CPVL: variants seen among roughly 807,000 people sequenced by gnomAD.
The protein encoded by CPVL is probable serine carboxypeptidase CPVL.
A neutral mutation model predicts 63.7 loss-of-function variants in CPVL; 51 were observed. That is an observed-to-expected ratio of 0.80 (90% CI 0.64 to 1.01). The LOEUF (loss-of-function observed/expected upper bound fraction) is 1.01, where lower values mean the gene tolerates loss of function less well. CPVL is among the 50% of genes least tolerant of loss of function. The pLI, the probability that CPVL is intolerant of heterozygous loss-of-function variation, is 0.00. For missense variants in CPVL, 530 were observed against 573.1 expected, an observed-to-expected ratio of 0.92 and a Z score of 0.77; for synonymous variants, 195 against 206.0, an observed-to-expected ratio of 0.95 and a Z score of 0.46.
chr7:29,046,562 C>G (rs540837097), intron 11 of CPVL, among the ~76,000 whole-genome samples: 16 of 75,370 alleles, frequency 2.1e-4, no homozygotes, highest in African/African-American at 4.2e-4. Context: ...TGCACGTGCG[C>G]GCGTGCACAC....
intron 1 of CPVL, among the ~76,000 whole-genome samples, chr7:29,133,193 C>CAA (rs1333159770): frequency 4.3e-4 from 39 of 90,734 alleles, no homozygotes; most frequent in African/African-American, 1.1e-3. Context: ...TTTCTGAAGG[C>CAA]AAAAAAAAAA....
downstream of CPVL, among the ~76,000 whole-genome samples, chr7:28,995,001 T>A (rs1783938003): frequency 6.6e-6 from 1 of 150,872 alleles, no homozygotes; most frequent in African/African-American, 2.4e-5. Flanking sequence ...CTTATCTTAA[T>A]TTTTTTTGAT....
intron 5 of CPVL, among the ~76,000 whole-genome samples, chr7:29,172,346 G>C (rs190718253): frequency 6.6e-6 from 1 of 152,298 alleles, no homozygotes; most frequent in East Asian, 1.9e-4. Context: ...CAGGAACATT[G>C]TGACTTCTAC....
rs144510317 is a variant in CPVL at position 29,072,366 on chromosome 7, C to T, written c.667G>A (p.Val223Met). 1,830 of 1,613,968 alleles carry T rather than the reference C, an allele frequency of 1.1e-3. 3 individuals carry two copies. The highest frequency in any genetic ancestry group is 1.4e-3 in the Non-Finnish European group (1,708 of 1,179,838). ...IAHLIHSLNP[V>M]REVKINLNGI... ...TTCAGGTTGATCTTCACCTCTCTCA[C>T]AGGGTTGAGGGAATGGATGAGGTGT... Residue 223 changes from valine to methionine, a missense_variant, in exon 8 of 13, where the codon GTG becomes ATG. By Grantham distance (21) the Val-to-Met change is conservative (BLOSUM62 1). Transcript: ENST00000265394.
chr7:29,186,750 G>C (rs1258772258), intron 1 of CPVL, among the ~76,000 whole-genome samples: 1 of 151,916 alleles, frequency 6.6e-6, no homozygotes, highest in Non-Finnish European at 1.5e-5. Context: ...CATAACAGCA[G>C]GCTGAAATTT....
At chr7:29,091,997 T>C (rs1456837849) in intron 6 of CPVL, among the ~76,000 whole-genome samples, 1 of 152,124 alleles carries the variant, frequency 6.6e-6, no homozygotes, top group Admixed American at 6.5e-5. Flanking sequence ...GGTGCCCTAG[T>C]GACCAGAAAG....
At chr7:29,004,812 A>G (rs1298842438) in intron 12 of CPVL, among the ~76,000 whole-genome samples, 1 of 152,182 alleles carries the variant, frequency 6.6e-6, no homozygotes, top group East Asian at 1.9e-4. Context: ...TTACTCTATG[A>G]ATAACTTTTT....
intron 7 of CPVL, among the ~76,000 whole-genome samples, chr7:29,080,996 C>T (rs2128589486): frequency 6.6e-6 from 1 of 152,234 alleles, no homozygotes; most frequent in East Asian, 1.9e-4. Flanking sequence ...TTCCCATCCA[C>T]TGCCACAACC....
chr7:29,029,934 GACA>G (rs1040655064), intron 12 of CPVL, among the ~76,000 whole-genome samples: 12 of 151,954 alleles, frequency 7.9e-5, no homozygotes, highest in African/African-American at 2.2e-4. Flanking sequence ...CTTACATATC[GACA>G]ACAACAACAA....
At chr7:28,997,677 A>G (rs1387548273) in intron 12 of CPVL, among the ~76,000 whole-genome samples, 1 of 150,246 alleles carries the variant, frequency 6.7e-6, no homozygotes, top group Non-Finnish European at 1.5e-5. Flanking sequence ...CTTCTGATGC[A>G]AACACCGGTG....
intron 5 of CPVL, among the ~76,000 whole-genome samples, chr7:29,174,319 A>G (rs1796985154): frequency 6.6e-6 from 1 of 152,216 alleles, no homozygotes; most frequent in Non-Finnish European, 1.5e-5. Flanking sequence ...ATGCAGGCAC[A>G]TATCTGCTTC....
At chr7:29,134,124 C>T (rs1224083814) in intron 1 of CPVL, among the ~76,000 whole-genome samples, 2 of 152,168 alleles carry the variant, frequency 1.3e-5, no homozygotes, top group Admixed American at 6.5e-5. Flanking sequence ...CTCAGAAATT[C>T]TACACACTGA....
upstream of CPVL, among the ~76,000 whole-genome samples, chr7:29,148,243 G>A (rs1793049890): frequency 6.6e-6 from 1 of 152,196 alleles, no homozygotes; most frequent in Admixed American, 6.5e-5. Context: ...TAAGTATAAG[G>A]ACAACTACTG....
At chr7:29,146,148 G>GT (rs1792591672) in intron 1 of CPVL, 1 of 157,406 alleles carries the variant, frequency 6.4e-6, no homozygotes, top group African/African-American at 2.4e-5. Flanking sequence ...TGGAGTAGGA[G>GT]ACGGCTTCTA....
Position 29,022,065 on chromosome 7 carries a change from C to T in CPVL, c.1320+8512G>A, listed in dbSNP as rs578160575. On this transcript the variant is annotated intron_variant, in intron 12 of 12. Transcript: ENST00000265394. ...TCTCCAGAGCCTGAGAGCTGCCTGC[C>T]TGGGGCTGTTGCCACTGACAGCAAA... Among the ~76,000 whole-genome samples the T allele has an allele frequency of 1.1e-4, 16 of 152,292 alleles. No homozygotes were observed. The South Asian group carries it at 3.3e-3, about 32-fold the overall frequency.
intron 12 of CPVL, chr7:29,012,068 A>C (rs1160876195): frequency 6.6e-6 from 1 of 152,222 alleles, no homozygotes; most frequent in African/African-American, 2.4e-5. Context: ...TTGAATCCTA[A>C]CCACAGACCC....
At chr7:29,149,160 A>G (rs1023057546), upstream of CPVL, among the ~76,000 whole-genome samples, 6 of 151,510 alleles carry the variant, frequency 4.0e-5, no homozygotes, top group Admixed American at 2.0e-4. Flanking sequence ...GATGTTGTTC[A>G]AAATTAGTAG....
intron 11 of CPVL, among the ~76,000 whole-genome samples, chr7:29,033,986 A>C (rs1320816639): frequency 6.6e-6 from 1 of 152,248 alleles, no homozygotes; most frequent in Non-Finnish European, 1.5e-5. Flanking sequence ...AAAATGCTTC[A>C]AACCTGGGGA....
intron 1 of CPVL, among the ~76,000 whole-genome samples, chr7:29,121,940 T>C (rs1789427466): frequency 6.6e-6 from 1 of 152,144 alleles, no homozygotes; most frequent in African/African-American, 2.4e-5. Context: ...TTAAAGACAT[T>C]AGGCCCCAAA....
Sources: allele counts gnomAD v4.1 joint callset (sites outside exome capture counted in the v4.1 genomes callset), GRCh38; gene constraint gnomAD v4.1.1; transcripts MANE v1.5; gene names NCBI Gene and HGNC (gene_info 2026-07-23, HGNC 2026-07-21).